Variants in SH2D4A observed in about 807,000 individuals in gnomAD.
SH2D4A encodes SH2 domain-containing protein 4A.
A neutral mutation model predicts 64.7 loss-of-function variants in SH2D4A; 70 were observed. The observed-to-expected ratio is 1.08, with a 90% confidence interval of 0.89 to 1.32. The LOEUF is 1.32. Among genes scored for constraint, SH2D4A ranks in the 40% most tolerant of loss-of-function variants. SH2D4A has a pLI of 0.00. For synonymous variants in SH2D4A, 268 were observed against 200.7 expected (o/e 1.34, Z -2.83); for missense variants, 706 against 540.1 (o/e 1.31, Z -3.04).
intron 4 of SH2D4A, among the ~76,000 whole-genome samples, chr8:19,352,843 C>T (rs746723633): frequency 6.6e-6 from 1 of 152,002 alleles, no homozygotes; most frequent in Non-Finnish European, 1.5e-5. Context: ...CTTGTCTCTA[C>T]TAAAATTAAA....
At chr8:19,386,535 A>G (rs1193146822) in intron 8 of SH2D4A, among the ~76,000 whole-genome samples, 3 of 152,098 alleles carry the variant, frequency 2.0e-5, no homozygotes, top group Admixed American at 1.3e-4. Flanking sequence ...TGTGCCCGGG[A>G]GCCCCAAGCT....
At chr8:19,338,603 A>G (rs1308008380) in intron 4 of SH2D4A, among the ~76,000 whole-genome samples, 1 of 152,216 alleles carries the variant, frequency 6.6e-6, no homozygotes, top group Non-Finnish European at 1.5e-5. Context: ...TGATGGAGGA[A>G]GAGACCATAC....
chr8:19,371,167 C>T (rs187902469), intron 7 of SH2D4A, among the ~76,000 whole-genome samples: 2 of 152,084 alleles, frequency 1.3e-5, no homozygotes, highest in Non-Finnish European at 2.9e-5. Flanking sequence ...GTGGTTTACA[C>T]ATCATGATGA....
At chr8:19,344,957 T>G (rs2052589492) in intron 4 of SH2D4A, among the ~76,000 whole-genome samples, 1 of 152,210 alleles carries the variant, frequency 6.6e-6, no homozygotes, top group Admixed American at 6.5e-5. Context: ...CTTTTTGGAT[T>G]TTAAAATTGT....
At position 19,317,303 on chromosome 8, in the gene SH2D4A, A is replaced by ATTTTT. The variant is rs761621347; in HGVS notation, c.-204-2022_-204-2018dup. Reference sequence around the variant, plus strand: ...GTCAAGAAATCTTGACAAGACATCCATTTTTTTTTTTTTTTTTTTTTTTGG... The same window carrying ATTTTT: ...GTCAAGAAATCTTGACAAGACATCCATTTTTTTTTTTTTTTTTTTTTTTTTTTTGG... On this transcript the variant is annotated intron_variant, in intron 1 of 9. Coordinates refer to ENST00000265807, the MANE Select transcript of SH2D4A (RefSeq NM_022071.4). Among the ~76,000 whole-genome samples the ATTTTT allele has an allele frequency of 1.5e-3, 150 of 97,376 alleles. 1 individual carries two copies. Among genetic ancestry groups the ATTTTT allele is most frequent in the African/African-American group, 4.9e-3 (121 of 24,944 alleles). 63.9% of individuals were successfully genotyped at this position (97,376 alleles called of 152,430 possible). A position where few individuals can be genotyped will look rare whatever the true frequency, so the allele number is the denominator to read the frequency against.
chr8:19,339,848 C>T lies in SH2D4A; in HGVS notation c.513+4991C>T, dbSNP rs1302267284. The stretch of plus-strand genomic sequence containing the variant: ...AATGTATCGACAGTGAGGAGAGGAT[C>T]CCAAGGTTGATTGATTTACTCATAA... On this transcript the variant is annotated intron_variant, in intron 4 of 9. Coordinates refer to ENST00000265807, the MANE Select transcript of SH2D4A (RefSeq NM_022071.4). Among the ~76,000 whole-genome samples, 7 of 152,148 alleles carry T rather than the reference C, an allele frequency of 4.6e-5. No individual in the cohort carries two copies. The South Asian group carries it at 8.3e-4, about 18-fold the overall frequency.
intron 8 of SH2D4A, 104 bp downstream of exon 8, chr8:19,373,764 CAA>C (rs899039422): frequency 3.5e-5 from 48 of 1,385,076 alleles, no homozygotes; most frequent in Non-Finnish European, 4.3e-5. Context: ...TGGTGCTGCC[CAA>C]AAAGAGTCTT....
chr8:19,347,833 C>G (rs2117247111), intron 4 of SH2D4A, among the ~76,000 whole-genome samples: 1 of 152,296 alleles, frequency 6.6e-6, no homozygotes, highest in African/African-American at 2.4e-5. Context: ...GTGACATATT[C>G]TTTAACCAGG....
intron 7 of SH2D4A, among the ~76,000 whole-genome samples, chr8:19,366,539 GC>G (rs780553709): frequency 6.6e-6 from 1 of 152,168 alleles, no homozygotes; most frequent in Non-Finnish European, 1.5e-5. Flanking sequence ...GCTTATGCCT[GC>G]AATCCCAGCA....
chr8:19,342,830 C>T (rs2052549748), intron 4 of SH2D4A, among the ~76,000 whole-genome samples: 1 of 152,144 alleles, frequency 6.6e-6, no homozygotes, highest in African/African-American at 2.4e-5. Flanking sequence ...AACAGAAAAG[C>T]TTTTTCCATA....
intron 8 of SH2D4A, among the ~76,000 whole-genome samples, chr8:19,382,612 G>A (rs1378901152): frequency 6.6e-6 from 1 of 152,078 alleles, no homozygotes; most frequent in Admixed American, 6.6e-5. Context: ...TAAGTTAGGT[G>A]TATTAAGTGC....
At chr8:19,328,919 C>T (rs188830124) in intron 2 of SH2D4A, among the ~76,000 whole-genome samples, 177 of 152,332 alleles carry the variant, frequency 1.2e-3, no homozygotes, top group Admixed American at 2.6e-3. Context: ...CTCTAGCTTT[C>T]TGGCTCAGCT....
At chr8:19,314,564 A>G (rs1316877574) in intron 1 of SH2D4A, among the ~76,000 whole-genome samples, 1 of 152,160 alleles carries the variant, frequency 6.6e-6, no homozygotes, top group Non-Finnish European at 1.5e-5. Context: ...TACAGTTTGT[A>G]GGTTTTCTGA....
rs748059804 is a variant in SH2D4A, at chr8:19,361,165, GTTTTGT to G, written c.595-27_595-22del. The G allele has an allele frequency of 1.1e-5, 15 of 1,315,298 alleles. No homozygotes were observed. In the South Asian group the frequency reaches 1.9e-4, roughly 17 times the overall value. The allele number at this position is 1,315,298 out of a possible 1,614,324, so 81.5% of individuals were successfully genotyped here. The stretch of plus-strand genomic sequence containing the variant: ...CTCACCAAGGTTCTTTTTTTGTTTT[GTTTTGT>G]TTTTGTTTTTTTTTGTTTTGTTTTT... On this transcript the variant is annotated intron_variant, in intron 5 of 9. Transcript: ENST00000265807.
At chr8:19,378,141 A>G (rs1321732819) in intron 8 of SH2D4A, among the ~76,000 whole-genome samples, 1 of 152,164 alleles carries the variant, frequency 6.6e-6, no homozygotes, top group African/African-American at 2.4e-5. Flanking sequence ...GATTTTTTAT[A>G]TTGACCTATA....
chr8:19,320,517 G>A (rs1563182366), intron 2 of SH2D4A, among the ~76,000 whole-genome samples: 2 of 151,478 alleles, frequency 1.3e-5, no homozygotes, highest in East Asian at 3.9e-4. Context: ...CCAACTACTT[G>A]GGAGGCTGAG....
At chr8:19,364,486 A>G (rs3824319) in intron 7 of SH2D4A, among the ~76,000 whole-genome samples, 52,113 of 152,068 alleles carry the variant, frequency 0.34, 10,407 homozygotes, top group Non-Finnish European at 0.46. Context: ...TCAAATGTCC[A>G]TAGCTGTTAT....
intron 4 of SH2D4A, among the ~76,000 whole-genome samples, chr8:19,337,659 C>G (rs1238814529): frequency 2.0e-5 from 3 of 152,176 alleles, no homozygotes; most frequent in Non-Finnish European, 4.4e-5. Flanking sequence ...CTGGGGAGGC[C>G]TCACAATCAC....
At chr8:19,369,293 A>T (rs530450240) in intron 7 of SH2D4A, among the ~76,000 whole-genome samples, 3 of 151,638 alleles carry the variant, frequency 2.0e-5, no homozygotes, top group African/African-American at 7.3e-5. Flanking sequence ...TGGCCTCTAG[A>T]TTTCTTTTTT....
Sources: allele counts gnomAD v4.1 joint callset (sites outside exome capture counted in the v4.1 genomes callset), GRCh38; gene constraint gnomAD v4.1.1; transcripts MANE v1.5; gene names NCBI Gene and HGNC (gene_info 2026-07-23, HGNC 2026-07-21).